SRD5A2: variants seen among roughly 807,000 people sequenced by gnomAD.
SRD5A2 encodes 3-oxo-5-alpha-steroid 4-dehydrogenase 2.
A neutral mutation model predicts 27.4 loss-of-function variants in SRD5A2; 30 were observed. The observed-to-expected ratio is 1.10, with a 90% CI of 0.82 to 1.49. The LOEUF (loss-of-function observed/expected upper bound fraction) is 1.49. Among genes scored for constraint, SRD5A2 ranks in the 40% most tolerant of loss-of-function variants. The pLI, the probability that SRD5A2 is intolerant of heterozygous loss-of-function variation, is 0.00. For missense variants in SRD5A2, 348 were observed against 323.4 expected (o/e 1.08, Z -0.58); for synonymous variants, 141 against 133.6 (o/e 1.06, Z -0.38).
At chr2:31,583,652 CA>C (rs1352139998), upstream of SRD5A2, among the ~76,000 whole-genome samples, 1 of 20,922 alleles carries the variant, frequency 4.8e-5, no homozygotes, top group East Asian at 1.2e-3. Flanking sequence ...AAAAAAAAAC[CA>C]AAAAAAAAGC....
the SRD5A2 span, among the ~76,000 whole-genome samples, chr2:31,637,680 T>A: frequency 6.6e-6 from 1 of 152,222 alleles, no homozygotes; most frequent in Admixed American, 6.5e-5. Flanking sequence ...GTTGCTCAGA[T>A]AAACTTACTT....
intron 1 of SRD5A2, among the ~76,000 whole-genome samples, chr2:31,545,018 G>A (rs1473532605): frequency 1.3e-5 from 2 of 151,060 alleles, no homozygotes; most frequent in Non-Finnish European, 3.0e-5. Flanking sequence ...TAGAAAATTT[G>A]AAAAGACTTA....
chr2:31,531,954 T>G (rs2281546), intron 2 of SRD5A2, among the ~76,000 whole-genome samples: 24,971 of 152,044 alleles, frequency 0.16, 2,302 homozygotes, highest in African/African-American at 0.25. Flanking sequence ...AAGTCTTGGT[T>G]GGGGGACTTC....
At chr2:31,539,241 G>C (rs1209245193) in intron 1 of SRD5A2, among the ~76,000 whole-genome samples, 1 of 152,158 alleles carries the variant, frequency 6.6e-6, no homozygotes, top group Non-Finnish European at 1.5e-5. Flanking sequence ...TTTTCATTTT[G>C]CCTCATATAT....
intron 1 of SRD5A2, among the ~76,000 whole-genome samples, chr2:31,544,750 TA>T (rs1356359702): frequency 1.3e-5 from 2 of 151,682 alleles, no homozygotes; most frequent in African/African-American, 4.8e-5. Flanking sequence ...GTAAAACCAA[TA>T]AAACCAAATG....
the SRD5A2 span, among the ~76,000 whole-genome samples, chr2:31,610,082 T>C: frequency 2.0e-5 from 3 of 152,164 alleles, no homozygotes; most frequent in Non-Finnish European, 4.4e-5. Context: ...TGTTAATTTC[T>C]GCTAAACATT....
chr2:31,587,511 A>G, the SRD5A2 span, among the ~76,000 whole-genome samples: 2 of 152,216 alleles, frequency 1.3e-5, no homozygotes, highest in South Asian at 2.1e-4. Flanking sequence ...ATGCCCATCA[A>G]TGGTAGACTG....
chr2:31,588,213 T>A, the SRD5A2 span, among the ~76,000 whole-genome samples: 1 of 152,102 alleles, frequency 6.6e-6, no homozygotes, highest in South Asian at 2.1e-4. Context: ...AAAGGGCTAA[T>A]AACAGAAAAC....
chr2:31,535,444 G>A (rs1666005769), intron 1 of SRD5A2, among the ~76,000 whole-genome samples: 1 of 152,214 alleles, frequency 6.6e-6, no homozygotes, highest in Non-Finnish European at 1.5e-5. Context: ...TTGGAACAGG[G>A]AGGCTGCTCA....
chr2:31,655,673 G>A, the SRD5A2 span, among the ~76,000 whole-genome samples: 1 of 152,160 alleles, frequency 6.6e-6, no homozygotes, highest in African/African-American at 2.4e-5. Flanking sequence ...GAGGAAGTGG[G>A]AGGAAGAGGT....
the SRD5A2 span, among the ~76,000 whole-genome samples, chr2:31,620,333 C>T: frequency 6.6e-6 from 1 of 152,038 alleles, no homozygotes; most frequent in African/African-American, 2.4e-5. Context: ...GAATTTCTGG[C>T]CAGGGCAATG....
chr2:31,536,883 C>G (rs1377583222), intron 1 of SRD5A2, among the ~76,000 whole-genome samples: 9 of 152,248 alleles, frequency 5.9e-5, no homozygotes, highest in African/African-American at 1.9e-4. Context: ...CCTCCTACAC[C>G]TCTAATGTAA....
rs1264323724 is a variant in SRD5A2, at chr2:31,526,112, T to C, written c.*84A>G. ...CTACTATTACATATATACGGGACTA[T>C]TATATCATGAAAATTACAGTTTCAG... On this transcript the variant is annotated 3_prime_UTR_variant, in exon 5 of 5. Coordinates refer to ENST00000622030, the MANE Select transcript of SRD5A2 (RefSeq NM_000348.4). 2.3e-5 allele frequency: 21 copies of C among 921,158 alleles called. No individual in the cohort carries two copies. In the East Asian group the frequency reaches 5.0e-4, roughly 22 times the overall value. 57.1% of individuals were successfully genotyped at this position (921,158 alleles called of 1,614,324 possible). A position where few individuals can be genotyped will look rare whatever the true frequency, so the allele number is the denominator to read the frequency against.
chr2:31,525,794 TAATA>T lies in SRD5A2; in HGVS notation c.*398_*401del, dbSNP rs1048567961. ...GTTACATGTATAAAATGCATACCTT[TAATA>T]AGGTCTATAAGTACTGCCTTCAAGT... On this transcript the variant is annotated 3_prime_UTR_variant, in exon 5 of 5. Coordinates refer to ENST00000622030, the MANE Select transcript of SRD5A2 (RefSeq NM_000348.4). 1 of 234,780 alleles carries T rather than the reference TAATA, an allele frequency of 4.3e-6. No homozygotes were observed. Among genetic ancestry groups the T allele is most frequent in the African/African-American group, 2.2e-5 (1 of 45,238 alleles). 14.5% of individuals were successfully genotyped at this position (234,780 alleles called of 1,614,324 possible). A position where few individuals can be genotyped will look rare whatever the true frequency, so the allele number is the denominator to read the frequency against.
At chr2:31,550,669 T>G (rs1252715891) in intron 1 of SRD5A2, among the ~76,000 whole-genome samples, 3 of 151,880 alleles carry the variant, frequency 2.0e-5, no homozygotes, top group Non-Finnish European at 4.4e-5. Flanking sequence ...ATTTAAAAAT[T>G]TTATAAAATT....
At chr2:31,610,736 C>A in the SRD5A2 span, among the ~76,000 whole-genome samples, 2 of 152,100 alleles carry the variant, frequency 1.3e-5, no homozygotes, top group African/African-American at 4.8e-5. Flanking sequence ...ATGAAGAAAA[C>A]TCTAAAGATT....
chr2:31,626,975 A>G, the SRD5A2 span, among the ~76,000 whole-genome samples: 1 of 152,094 alleles, frequency 6.6e-6, no homozygotes, highest in Non-Finnish European at 1.5e-5. Flanking sequence ...TTGGCTGTGA[A>G]TCTGTCTGGT....
the SRD5A2 span, among the ~76,000 whole-genome samples, chr2:31,641,555 TA>T: frequency 1.3e-5 from 2 of 152,146 alleles, no homozygotes; most frequent in African/African-American, 4.8e-5. Context: ...ATATCTCTTA[TA>T]AAAATCTTCA....
intron 1 of SRD5A2, among the ~76,000 whole-genome samples, chr2:31,561,738 A>G (rs1666628654): frequency 6.6e-6 from 1 of 152,166 alleles, no homozygotes; most frequent in Non-Finnish European, 1.5e-5. Context: ...GATAGAAAGA[A>G]TAATGATCAT....
Sources: allele counts gnomAD v4.1 joint callset (sites outside exome capture counted in the v4.1 genomes callset), GRCh38; gene constraint gnomAD v4.1.1; transcripts MANE v1.5; gene names NCBI Gene and HGNC (gene_info 2026-07-23, HGNC 2026-07-21).